Variants in ZNF562 observed in about 807,000 individuals in gnomAD.
ZNF562 encodes the protein zinc finger protein 562.
In ZNF562, 13 loss-of-function variants were observed where a neutral mutation model predicts 17.5. That is an observed-to-expected ratio of 0.74 (90% CI 0.48 to 1.18). ZNF562 has a LOEUF of 1.18. ZNF562 is among the 50% of genes most tolerant of loss of function. The pLI is 0.00. For missense variants in ZNF562, 481 were observed against 498.5 expected (o/e 0.96, Z 0.33); for synonymous variants, 163 against 165.4 (o/e 0.99, Z 0.11).
At chr19:9,670,225 C>T (rs2044133878) in intron 1 of ZNF562, among the ~76,000 whole-genome samples, 1 of 151,364 alleles carries the variant, frequency 6.6e-6, no homozygotes. Flanking sequence ...GGTGACACAG[C>T]AAGACTATCT....
In ZNF562 at chr19:9,653,510, G is replaced by T; in HGVS notation, c.720C>A (p.Ala240=). Residue 240 remains alanine, a synonymous_variant, in exon 6 of 6, where the codon GCC becomes GCA. Transcript: ENST00000453372. ...KLCEFQECER[A]ITTSSHLKQC... ...GCTTTAAGTGTGAGGAAGTTGTGAT[G>T]GCTCTCTCACATTCCTGAAATTCAC... The T allele has an allele frequency of 6.2e-7, 1 of 1,614,176 alleles. No individual in the cohort carries two copies. The highest frequency in any genetic ancestry group is 8.5e-7 in the Non-Finnish European group (1 of 1,180,030).
At chr19:9,657,764 G>T (rs1236116047) in intron 4 of ZNF562, among the ~76,000 whole-genome samples, 2 of 151,930 alleles carry the variant, frequency 1.3e-5, no homozygotes, top group Admixed American at 6.6e-5. Flanking sequence ...AGCCAGGCTG[G>T]TCTTGATTTC....
chr19:9,647,296 G>A lies in ZNF562; in HGVS notation c.*5653C>T, dbSNP rs2074814610. ...GGGGTTTCAACATGTTGGCCAGGAT[G>A]GTCTTGATCTCTTGACCTCATGATC... On this transcript the variant is annotated 3_prime_UTR_variant, in exon 6 of 6. Coordinates refer to ENST00000453372, the MANE Select transcript of ZNF562 (RefSeq NM_001130031.2). The A allele has an allele frequency of 6.6e-6, 1 of 151,780 alleles. No homozygotes were observed. Among genetic ancestry groups the A allele is most frequent in the South Asian group, 2.1e-4 (1 of 4,808 alleles). 9.4% of individuals were successfully genotyped at this position (151,780 alleles called of 1,614,324 possible). A position where few individuals can be genotyped will look rare whatever the true frequency, so the allele number is the denominator to read the frequency against.
chr19:9,674,644 G>A (rs2044336773), intron 1 of ZNF562: 1 of 152,184 alleles, frequency 6.6e-6, no homozygotes, highest in Non-Finnish European at 1.5e-5. Flanking sequence ...GGAACATGCC[G>A]GAAGAGATAG....
At chr19:9,664,955 C>T (rs560778921) in intron 1 of ZNF562, among the ~76,000 whole-genome samples, 2 of 152,218 alleles carry the variant, frequency 1.3e-5, no homozygotes, top group Non-Finnish European at 2.9e-5. Flanking sequence ...GGTGTAGTGG[C>T]TCATGCCTGT....
At chr19:9,657,435 C>CAA (rs113317390) in intron 4 of ZNF562, among the ~76,000 whole-genome samples, 2 of 147,932 alleles carry the variant, frequency 1.4e-5, no homozygotes, top group African/African-American at 5.0e-5. Context: ...AACAAACAAA[C>CAA]AAAAAAAACA....
intron 1 of ZNF562, among the ~76,000 whole-genome samples, chr19:9,666,885 C>G (rs114615992): frequency 6.6e-6 from 1 of 152,040 alleles, no homozygotes; most frequent in Admixed American, 6.6e-5. Context: ...CAAAATGAAT[C>G]CCATCAAAGA....
intron 1 of ZNF562, among the ~76,000 whole-genome samples, chr19:9,670,579 G>A (rs141461073): frequency 3.3e-5 from 5 of 152,292 alleles, no homozygotes; most frequent in African/African-American, 7.2e-5. Flanking sequence ...GCCAAGCACA[G>A]CAGACAAATA....
In ZNF562 at chr19:9,653,514, C is replaced by T. The variant is rs1281992062; in HGVS notation, c.716G>A (p.Arg239Lys). 5.0e-6 allele frequency: 8 copies of T among 1,614,070 alleles called. No individual in the cohort carries two copies. The highest frequency in any genetic ancestry group is 6.8e-6 in the Non-Finnish European group (8 of 1,180,042). ...TAAGTGTGAGGAAGTTGTGATGGCT[C>T]TCTCACATTCCTGAAATTCACAGAG... ...EKLCEFQECE[R>K]AITTSSHLKQ... Residue 239 changes from arginine (R) to lysine (K), a missense_variant, in exon 6 of 6, where the codon AGA becomes AAA. By Grantham distance (26) the Arg-to-Lys change is conservative (BLOSUM62 2). This residue lies in a region of ZNF562 where 403 missense variants were observed against 386.4 expected (regional missense o/e 1.04). Transcript: ENST00000453372.
intron 1 of ZNF562, among the ~76,000 whole-genome samples, chr19:9,662,938 C>T (rs368387732): frequency 9.2e-5 from 14 of 151,678 alleles, no homozygotes; most frequent in African/African-American, 2.2e-4. Flanking sequence ...CACTCGAACC[C>T]GGGAGGTGCC....
rs1471285845 is a variant in ZNF562 at position 9,652,808 on chromosome 19, G to A, written c.*141C>T. 6 of 696,734 alleles carry A rather than the reference G, an allele frequency of 8.6e-6. No individual in the cohort carries two copies. The highest frequency in any genetic ancestry group is 4.5e-6 in the Non-Finnish European group (2 of 441,310). The allele number at this position is 696,734 out of a possible 1,614,324, so 43.2% of individuals were successfully genotyped here. A position where few individuals can be genotyped will look rare whatever the true frequency, so the allele number is the denominator to read the frequency against. Reference sequence around the variant, plus strand: ...CTTACATTCATAGTATTTCTCCCCAGTGTGAATTCTTTCATGCATACTTAG... The same window carrying A: ...CTTACATTCATAGTATTTCTCCCCAATGTGAATTCTTTCATGCATACTTAG... On this transcript the variant is annotated 3_prime_UTR_variant, in exon 6 of 6. Coordinates refer to ENST00000453372, the MANE Select transcript of ZNF562 (RefSeq NM_001130031.2).
At chr19:9,657,551 CTT>C (rs112714600) in intron 4 of ZNF562, among the ~76,000 whole-genome samples, 11 of 142,230 alleles carry the variant, frequency 7.7e-5, no homozygotes, top group African/African-American at 5.1e-5. Flanking sequence ...CTTTAAAAAT[CTT>C]TTTTTTTTTT....
In ZNF562 at chr19:9,643,133, A is replaced by AG. The variant is rs2074784103; in HGVS notation, c.*9815dup. ...TTGGGAGGTTGAATCAGGCTGAATC[A>AG]GGGGGGTCTCAGGAGTTCAAGACCA... On this transcript the variant is annotated 3_prime_UTR_variant, in exon 6 of 6. Transcript: ENST00000453372. 1 of 151,444 alleles carries AG rather than the reference A, an allele frequency of 6.6e-6. No homozygotes were observed. The highest frequency in any genetic ancestry group is 2.1e-4 in the South Asian group (1 of 4,808). The allele number at this position is 151,444 out of a possible 1,614,324, so 9.4% of individuals were successfully genotyped here. A position where few individuals can be genotyped will look rare whatever the true frequency, so the allele number is the denominator to read the frequency against.
intron 1 of ZNF562, among the ~76,000 whole-genome samples, chr19:9,661,895 G>C (rs962154298): frequency 6.6e-6 from 1 of 152,088 alleles, no homozygotes; most frequent in East Asian, 1.9e-4. Context: ...CCCCAAAGTG[G>C]CTGGGACTAC....
chr19:9,668,715 C>T (rs980151455), intron 1 of ZNF562, among the ~76,000 whole-genome samples: 2 of 152,062 alleles, frequency 1.3e-5, no homozygotes, highest in Non-Finnish European at 2.9e-5. Flanking sequence ...TCAAAATATA[C>T]TACAAAGCTA....
chr19:9,659,596 T>G, intron 2 of ZNF562, 129 bp from the exon 3 acceptor site: 1 of 1,155,596 alleles, frequency 8.7e-7, no homozygotes, highest in Non-Finnish European at 1.2e-6. Context: ...CACACAACAC[T>G]TCCATGAAAT....
intron 3 of ZNF562, among the ~76,000 whole-genome samples, chr19:9,658,982 T>G (rs1403141838): frequency 6.6e-6 from 1 of 152,190 alleles, no homozygotes; most frequent in Non-Finnish European, 1.5e-5. Context: ...ACAAACAGGC[T>G]AGGAGCTCTT....
rs1318313694 is a variant in ZNF562 at position 9,653,325 on chromosome 19, G to C, written c.905C>G (p.Ser302Cys). The C allele has an allele frequency of 3.7e-6, 6 of 1,614,072 alleles. No individual in the cohort carries two copies. Among genetic ancestry groups the C allele is most frequent in the Non-Finnish European group, 5.1e-6 (6 of 1,179,974 alleles). Residue 302 changes from serine (S) to cysteine (C), a missense_variant, in exon 6 of 6, where the codon TCC (serine) becomes TGC (cysteine). By Grantham distance (112) the Ser-to-Cys change is moderately radical (BLOSUM62 -1). Coordinates refer to ENST00000453372, the MANE Select transcript of ZNF562 (RefSeq NM_001130031.2). ...GTGAATTTGAATGTGAACATTAAAG[G>C]ATGAGGAATTTCTAAAGGATCTTCC... ...ECGRSFRNSS[S>C]FNVHIQIHTG...
At chr19:9,673,595 G>T (rs1362111680) in intron 1 of ZNF562, among the ~76,000 whole-genome samples, 1 of 152,094 alleles carries the variant, frequency 6.6e-6, no homozygotes, top group South Asian at 2.1e-4. Flanking sequence ...AGTGCATCTG[G>T]CCTGGCTTTA....
Sources: gnomAD v4.1 joint callset for allele counts (sites outside exome capture counted in the v4.1 genomes callset) on GRCh38, gnomAD v4.1.1 for gene constraint, gnomAD v4.1.1 regional missense constraint, MANE v1.5 for transcripts, NCBI Gene and HGNC (gene_info 2026-07-23, HGNC 2026-07-21) for gene names.